The following DPP10 variants were observed in gnomAD, a reference collection of about 807,000 sequenced individuals.
DPP10 encodes the protein inactive dipeptidyl peptidase 10.
A neutral mutation model predicts 120.9 loss-of-function variants in DPP10; 33 were observed. That is an observed-to-expected ratio of 0.27 (90% CI 0.21 to 0.37). The LOEUF is 0.37. Among genes scored for constraint, DPP10 ranks in the 10% least tolerant of loss-of-function variants. DPP10 has a pLI of 1.00. For missense variants in DPP10, 816 were observed against 942.8 expected (o/e 0.87, Z 1.76); for synonymous variants, 337 against 326.1 (o/e 1.03, Z -0.36).
chr2:115,389,430 T>A (rs1230563642), intron 3 of DPP10, among the ~76,000 whole-genome samples: 1 of 152,222 alleles, frequency 6.6e-6, no homozygotes, highest in Non-Finnish European at 1.5e-5. Context: ...TGTTTAATTT[T>A]GTTTGCCCCT....
intron 8 of DPP10, among the ~76,000 whole-genome samples, chr2:115,729,083 A>G (rs2149645431): frequency 6.6e-6 from 1 of 152,332 alleles, no homozygotes; most frequent in African/African-American, 2.4e-5. Flanking sequence ...AACAATAAGT[A>G]TGCTGTGAAA....
chr2:114,654,607 C>T (rs1365969666), intron 1 of DPP10, among the ~76,000 whole-genome samples: 17 of 152,158 alleles, frequency 1.1e-4, no homozygotes, highest in Admixed American at 1.1e-3. Flanking sequence ...AAAAAATCAA[C>T]TAATATTTTA....
At chr2:114,833,640 G>A (rs796965111) in intron 1 of DPP10, 13 of 152,244 alleles carry the variant, frequency 8.5e-5, no homozygotes, top group African/African-American at 2.4e-4. Flanking sequence ...CTCCAAGTCT[G>A]CCTCTTAATA....
intron 1 of DPP10, among the ~76,000 whole-genome samples, chr2:114,792,461 A>G (rs1470549682): frequency 6.6e-6 from 1 of 152,238 alleles, no homozygotes; most frequent in African/African-American, 2.4e-5. Flanking sequence ...AAGTAGAACT[A>G]TTCTACAAAA....
At chr2:115,732,372 A>C (rs1276466279) in intron 8 of DPP10, among the ~76,000 whole-genome samples, 1 of 152,196 alleles carries the variant, frequency 6.6e-6, no homozygotes, top group Non-Finnish European at 1.5e-5. Context: ...TAGAGTCCTT[A>C]AAAGTGTCAG....
intron 9 of DPP10, among the ~76,000 whole-genome samples, chr2:115,740,128 T>C (rs1386507013): frequency 1.3e-5 from 2 of 152,092 alleles, no homozygotes; most frequent in East Asian, 3.9e-4. Flanking sequence ...TCTTTCCTTT[T>C]GATGCTCACT....
At chr2:114,559,882 GA>G (rs1688615828) in intron 1 of DPP10, among the ~76,000 whole-genome samples, 1 of 9,606 alleles carries the variant, frequency 1.0e-4, no homozygotes, top group East Asian at 3.3e-3. Flanking sequence ...ACTGCAAGAA[GA>G]AAAAAAGCAA....
chr2:114,883,288 T>C (rs923972738), intron 1 of DPP10, among the ~76,000 whole-genome samples: 1 of 152,204 alleles, frequency 6.6e-6, no homozygotes, highest in Non-Finnish European at 1.5e-5. Context: ...GTGTTTCTTA[T>C]AGTCTGTAGT....
chr2:115,817,209 C>T (rs775106065), intron 21 of DPP10, among the ~76,000 whole-genome samples: 2 of 151,624 alleles, frequency 1.3e-5, no homozygotes, highest in South Asian at 2.1e-4. Context: ...ATCGAGCCAC[C>T]GCACTCCAGC....
intron 5 of DPP10, among the ~76,000 whole-genome samples, chr2:115,689,137 A>G (rs1338743422): frequency 6.6e-6 from 1 of 152,206 alleles, no homozygotes; most frequent in Non-Finnish European, 1.5e-5. Flanking sequence ...AGAGTCATGC[A>G]GGAAACTGTG....
chr2:115,660,471 A>T (rs2088828637), intron 5 of DPP10, among the ~76,000 whole-genome samples: 1 of 152,036 alleles, frequency 6.6e-6, no homozygotes, highest in South Asian at 2.1e-4. Flanking sequence ...GGGGATGGAG[A>T]TTTCTCCCCT....
chr2:115,806,826 T>TTTCTAATTTGTTCTA (rs1192257448), intron 19 of DPP10, among the ~76,000 whole-genome samples: 6 of 152,232 alleles, frequency 3.9e-5, no homozygotes, highest in African/African-American at 1.4e-4. Flanking sequence ...TTGTTCTATT[T>TTTCTAATTTGTTCTA]TTTATCTAAA....
At chr2:115,203,967 A>G (rs2055930354) in intron 1 of DPP10, among the ~76,000 whole-genome samples, 1 of 152,158 alleles carries the variant, frequency 6.6e-6, no homozygotes, top group Non-Finnish European at 1.5e-5. Flanking sequence ...TATCATAGAG[A>G]AACTTTATTG....
At chr2:115,099,509 T>C (rs1014700673) in intron 1 of DPP10, among the ~76,000 whole-genome samples, 4 of 152,188 alleles carry the variant, frequency 2.6e-5, no homozygotes, top group Non-Finnish European at 5.9e-5. Flanking sequence ...GCTTAAATGT[T>C]AATGGGGCTT....
At chr2:114,838,572 C>G (rs1342977910) in intron 1 of DPP10, among the ~76,000 whole-genome samples, 1 of 152,080 alleles carries the variant, frequency 6.6e-6, no homozygotes, top group Admixed American at 6.6e-5. Context: ...ACTGGGATTA[C>G]AGGTATGAGC....
chr2:114,565,277 A>G (rs1404324855), intron 1 of DPP10, among the ~76,000 whole-genome samples: 1 of 152,182 alleles, frequency 6.6e-6, no homozygotes, highest in Non-Finnish European at 1.5e-5. Flanking sequence ...AGGCCTCAAA[A>G]TGCCTGGTAT....
At chr2:115,822,395 G>A (rs897347597) in intron 21 of DPP10, among the ~76,000 whole-genome samples, 8 of 151,730 alleles carry the variant, frequency 5.3e-5, no homozygotes, top group African/African-American at 1.7e-4. Flanking sequence ...CTTCCATCTT[G>A]TTCTTCTTTT....
intron 1 of DPP10, among the ~76,000 whole-genome samples, chr2:114,803,175 T>C (rs1272829646): frequency 6.6e-6 from 1 of 152,224 alleles, no homozygotes; most frequent in Non-Finnish European, 1.5e-5. Flanking sequence ...GCTTCTTCCT[T>C]ATTTTCTCTT....
At chr2:114,974,191 A>G (rs2089674) in intron 1 of DPP10, among the ~76,000 whole-genome samples, 3,650 of 152,226 alleles carry the variant, frequency 0.024, 66 homozygotes, top group Non-Finnish European at 0.037. Context: ...TTCACTCACA[A>G]CTTACTAAGT....
Sources: allele counts gnomAD v4.1 joint callset (sites outside exome capture counted in the v4.1 genomes callset), GRCh38; gene constraint gnomAD v4.1.1; transcripts MANE v1.5; gene names NCBI Gene and HGNC (gene_info 2026-07-23, HGNC 2026-07-21).